PDE3A: variants seen among roughly 807,000 people sequenced by gnomAD.
PDE3A encodes phosphodiesterase 3A, also known as cGMP-inhibited 3',5'-cyclic phosphodiesterase 3A.
A neutral mutation model predicts 98.3 loss-of-function variants in PDE3A; 43 were observed. The observed-to-expected ratio is 0.44, with a 90% CI of 0.34 to 0.56. The LOEUF (loss-of-function observed/expected upper bound fraction) is 0.56, where lower values mean the gene tolerates loss of function less well. PDE3A is among the 20% of genes least tolerant of loss of function. The pLI, the probability that PDE3A is intolerant of heterozygous loss-of-function variation, is 0.01. For missense variants in PDE3A, 1,427 were observed against 1,440.7 expected, an observed-to-expected ratio of 0.99 and a Z score of 0.15; for synonymous variants, 663 against 567.9, an observed-to-expected ratio of 1.17 and a Z score of -2.38.
intron 1 of PDE3A, among the ~76,000 whole-genome samples, chr12:20,386,533 GT>G (rs1943810876): frequency 6.6e-6 from 1 of 151,402 alleles, no homozygotes. Flanking sequence ...TAGAGTTGGG[GT>G]TTCACCATGT....
intron 2 of PDE3A, among the ~76,000 whole-genome samples, chr12:20,566,325 A>G (rs865918757): frequency 6.6e-5 from 10 of 152,106 alleles, no homozygotes; most frequent in Middle Eastern, 3.4e-3. Context: ...TCAAACTTGC[A>G]TCAAAATAGT....
intron 1 of PDE3A, among the ~76,000 whole-genome samples, chr12:20,414,548 AG>A (rs1488302888): frequency 6.6e-6 from 1 of 152,204 alleles, no homozygotes; most frequent in Non-Finnish European, 1.5e-5. Context: ...TATATTGCGA[AG>A]GTGTCAAAAA....
At chr12:20,668,744 G>A (rs1945389505) in intron 15 of PDE3A, among the ~76,000 whole-genome samples, 1 of 150,948 alleles carries the variant, frequency 6.6e-6, no homozygotes, top group Non-Finnish European at 1.5e-5. Context: ...CCACAAAGAT[G>A]GGGAAAAAAC....
Position 20,681,373 on chromosome 12 carries a change from G to A in PDE3A, c.*1102G>A, listed in dbSNP as rs1315963228. 1 of 152,184 alleles carries A rather than the reference G, an allele frequency of 6.6e-6. No homozygotes were observed. The highest frequency in any genetic ancestry group is 1.5e-5 in the Non-Finnish European group (1 of 68,034). The allele number at this position is 152,184 out of a possible 1,614,324, so 9.4% of individuals were successfully genotyped here. A position where few individuals can be genotyped will look rare whatever the true frequency, so the allele number is the denominator to read the frequency against. ...CTAAATGATGCCAGAGAAGGCTTGGGAAATTGTACTTCAGCGTGATAGCCT... is the reference window on the plus strand; with the variant it reads ...CTAAATGATGCCAGAGAAGGCTTGGAAAATTGTACTTCAGCGTGATAGCCT... On this transcript the variant is annotated 3_prime_UTR_variant, in exon 16 of 16. Transcript: ENST00000359062.
intron 1 of PDE3A, among the ~76,000 whole-genome samples, chr12:20,392,421 C>A (rs1943933679): frequency 6.6e-6 from 1 of 151,640 alleles, no homozygotes; most frequent in South Asian, 2.1e-4. Flanking sequence ...GCCTTTAGTC[C>A]AAGATACTGA....
At chr12:20,405,570 T>G (rs1436918869) in intron 1 of PDE3A, among the ~76,000 whole-genome samples, 2 of 152,164 alleles carry the variant, frequency 1.3e-5, no homozygotes, top group African/African-American at 4.8e-5. Flanking sequence ...AGACATCCCA[T>G]TGTTTTCTTT....
At chr12:20,501,422 G>T (rs1225570461) in intron 1 of PDE3A, among the ~76,000 whole-genome samples, 2 of 152,002 alleles carry the variant, frequency 1.3e-5, no homozygotes, top group African/African-American at 4.8e-5. Context: ...TAAAGTAGTG[G>T]AAGTATACAT....
intron 2 of PDE3A, among the ~76,000 whole-genome samples, chr12:20,602,324 A>G (rs1943611481): frequency 6.6e-6 from 1 of 152,232 alleles, no homozygotes; most frequent in Admixed American, 6.5e-5. Flanking sequence ...TTACTAGAGT[A>G]AGTGATGAAT....
At chr12:20,390,984 A>G (rs1943903148) in intron 1 of PDE3A, among the ~76,000 whole-genome samples, 1 of 151,884 alleles carries the variant, frequency 6.6e-6, no homozygotes, top group Admixed American at 6.6e-5. Context: ...CCTACCGATG[A>G]AAGATATTAC....
At chr12:20,465,095 AT>A (rs1205746985) in intron 1 of PDE3A, among the ~76,000 whole-genome samples, 1 of 152,188 alleles carries the variant, frequency 6.6e-6, no homozygotes, top group Non-Finnish European at 1.5e-5. Flanking sequence ...TTTAAAAAAT[AT>A]TTAGTTACAT....
At chr12:20,645,107 T>G (rs1425168351) in intron 10 of PDE3A, among the ~76,000 whole-genome samples, 1 of 152,020 alleles carries the variant, frequency 6.6e-6, no homozygotes, top group Non-Finnish European at 1.5e-5. Flanking sequence ...CAGGCTGAAC[T>G]TGAGCTCCTG....
intron 15 of PDE3A, among the ~76,000 whole-genome samples, chr12:20,668,485 C>T (rs1433332984): frequency 1.3e-5 from 2 of 152,166 alleles, no homozygotes; most frequent in African/African-American, 4.8e-5. Flanking sequence ...GTTCTCCCAG[C>T]ATGCAGCTGG....
intron 1 of PDE3A, among the ~76,000 whole-genome samples, chr12:20,396,223 G>T (rs987793344): frequency 1.3e-5 from 2 of 152,058 alleles, no homozygotes; most frequent in African/African-American, 2.4e-5. Context: ...AATTTATAAG[G>T]TTACCCCTTT....
chr12:20,385,744 A>G, intron 1 of PDE3A, among the ~76,000 whole-genome samples: 1 of 148,120 alleles, frequency 6.8e-6, no homozygotes, highest in South Asian at 2.1e-4. Context: ...AACAATAAGA[A>G]CACTTGGACA....
chr12:20,565,669 A>G (rs1942638444), intron 2 of PDE3A, among the ~76,000 whole-genome samples: 1 of 152,024 alleles, frequency 6.6e-6, no homozygotes, highest in Non-Finnish European at 1.5e-5. Context: ...TAAGATGAAT[A>G]TTAACATCCA....
rs539272714 is a variant in PDE3A, at chr12:20,493,253, A to G, written c.961-63407A>G. 1.1e-3 allele frequency among the ~76,000 whole-genome samples: 163 copies of G among 152,242 alleles called. 1 individual carries two copies. Among genetic ancestry groups the G allele is most frequent in the African/African-American group, 3.7e-3 (155 of 41,544 alleles). ...CTTGATCACCTCCTTCTCTGTCTGT[A>G]TATGTACATATACATATATGGACAG... On this transcript the variant is annotated intron_variant, in intron 1 of 15. Transcript: ENST00000359062.
intron 15 of PDE3A, among the ~76,000 whole-genome samples, chr12:20,660,694 C>T (rs1298646181): frequency 6.6e-6 from 1 of 152,174 alleles, no homozygotes; most frequent in Non-Finnish European, 1.5e-5. Context: ...TTTTTGGCTG[C>T]TGCCATCCAT....
At position 20,448,667 on chromosome 12, in the gene PDE3A, T is replaced by C. The variant is rs548337868; in HGVS notation, c.960+78423T>C. Among the ~76,000 whole-genome samples, 4 of 152,244 alleles carry C rather than the reference T, an allele frequency of 2.6e-5. No homozygotes were observed. The East Asian group carries it at 7.7e-4, about 29-fold the overall frequency. ...TTACCTACGTAATTTCTAATATTGA[T>C]GATACTGGTGTTTCTTAAATTCACT... On this transcript the variant is annotated intron_variant, in intron 1 of 15. Coordinates refer to ENST00000359062, the MANE Select transcript of PDE3A (RefSeq NM_000921.5).
chr12:20,615,169 G>T (rs1010491275), intron 3 of PDE3A, among the ~76,000 whole-genome samples: 1 of 151,874 alleles, frequency 6.6e-6, no homozygotes, highest in Non-Finnish European at 1.5e-5. Context: ...CTCCCAAAGT[G>T]TTGGAATTAC....
Sources: gnomAD v4.1 joint callset for allele counts (sites outside exome capture counted in the v4.1 genomes callset) on GRCh38, gnomAD v4.1.1 for gene constraint, MANE v1.5 for transcripts, NCBI Gene and HGNC (gene_info 2026-07-23, HGNC 2026-07-21) for gene names.